ZNHIT6: variants seen among roughly 807,000 people sequenced by gnomAD.
ZNHIT6 encodes box C/D snoRNA protein 1.
Under a neutral mutation model 57.2 loss-of-function variants are expected in ZNHIT6, and 45 were observed. The observed-to-expected ratio is 0.79, with a 90% confidence interval of 0.62 to 1.01. ZNHIT6 has a LOEUF of 1.01. ZNHIT6 is among the 50% of genes least tolerant of loss of function. The pLI, the probability that ZNHIT6 is intolerant of heterozygous loss-of-function variation, is 0.00. For missense variants in ZNHIT6, 528 were observed against 567.3 expected (o/e 0.93, Z 0.70); for synonymous variants, 188 against 190.0 (o/e 0.99, Z 0.09).
At chr1:85,661,960 G>T (rs1661234598) in intron 8 of ZNHIT6, among the ~76,000 whole-genome samples, 1 of 151,988 alleles carries the variant, frequency 6.6e-6, no homozygotes. Context: ...CCCTGCTCTG[G>T]GCAGCCTCAT....
chr1:85,664,032 G>T (rs1661297447), intron 8 of ZNHIT6, among the ~76,000 whole-genome samples: 1 of 152,100 alleles, frequency 6.6e-6, no homozygotes, highest in Non-Finnish European at 1.5e-5. Context: ...GTATCTTAGG[G>T]ATGATCTTCT....
At chr1:85,703,078 A>G (rs1259965907) in intron 4 of ZNHIT6, among the ~76,000 whole-genome samples, 1 of 152,206 alleles carries the variant, frequency 6.6e-6, no homozygotes, top group Non-Finnish European at 1.5e-5. Flanking sequence ...AAGAAATTAC[A>G]TGTAATTTTA....
At chr1:85,697,475 C>T (rs1439202036) in intron 5 of ZNHIT6, among the ~76,000 whole-genome samples, 1 of 152,124 alleles carries the variant, frequency 6.6e-6, no homozygotes, top group African/African-American at 2.4e-5. Flanking sequence ...GCTGTTTCAA[C>T]TCTATTTATT....
intron 5 of ZNHIT6, among the ~76,000 whole-genome samples, chr1:85,696,467 C>G (rs150184013): frequency 6.6e-5 from 10 of 152,042 alleles, no homozygotes; most frequent in African/African-American, 2.4e-4. Flanking sequence ...TATGAAGGTG[C>G]CATCATTTAC....
chr1:85,654,332 G>C (rs1660999567), intron 9 of ZNHIT6, among the ~76,000 whole-genome samples: 1 of 152,164 alleles, frequency 6.6e-6, no homozygotes, highest in Admixed American at 6.6e-5. Context: ...CTGACTCTGT[G>C]GAAGACTTAG....
chr1:85,658,356 G>C (rs916154218), intron 8 of ZNHIT6, among the ~76,000 whole-genome samples: 6 of 152,154 alleles, frequency 3.9e-5, no homozygotes, highest in East Asian at 1.9e-4. Context: ...AGCCTCCCAA[G>C]TAGCTGGGAC....
In ZNHIT6 at chr1:85,706,375, G is replaced by A. The variant is rs771759996; in HGVS notation, c.723-20C>T. The A allele has an allele frequency of 6.2e-7, 1 of 1,613,592 alleles. No individual in the cohort carries two copies. The highest frequency in any genetic ancestry group is 1.7e-5 in the Admixed American group (1 of 59,928). ...GGCAAACTGAAAAGACAAAGGGGAA[G>A]TACTTTTATATTTTAGGGTAAGAAA... On this transcript the variant is annotated intron_variant, in intron 2 of 9. Coordinates refer to ENST00000370574, the MANE Select transcript of ZNHIT6 (RefSeq NM_017953.4).
intron 8 of ZNHIT6, among the ~76,000 whole-genome samples, chr1:85,667,961 A>AAATGTATATATATATAT: frequency 5.5e-5 from 1 of 18,200 alleles, no homozygotes; most frequent in African/African-American, 2.1e-4. Context: ...AAAAAAAAAA[A>AAATGTATATATATATAT]ATATATATAT....
chr1:85,690,334 T>C (rs1662181564), intron 5 of ZNHIT6, among the ~76,000 whole-genome samples: 1 of 152,164 alleles, frequency 6.6e-6, no homozygotes, highest in Admixed American at 6.5e-5. Flanking sequence ...ACCAAATTAC[T>C]TACATTGTGC....
Position 85,653,981 on chromosome 1 carries a change from A to G in ZNHIT6, c.*77T>C. 8.0e-7 allele frequency: 1 copy of G among 1,244,276 alleles called. No individual in the cohort carries two copies. Among genetic ancestry groups the G allele is most frequent in the Non-Finnish European group, 1.2e-6 (1 of 867,006 alleles). 77.1% of individuals were successfully genotyped at this position (1,244,276 alleles called of 1,614,324 possible). A position where few individuals can be genotyped will look rare whatever the true frequency, so the allele number is the denominator to read the frequency against. ...CCAATCACCCATTGACAATACCCCA[A>G]TCAGCCAACAGCCCATCAATGCAGA... On this transcript the variant is annotated 3_prime_UTR_variant, in exon 10 of 10. Coordinates refer to ENST00000370574, the MANE Select transcript of ZNHIT6 (RefSeq NM_017953.4).
chr1:85,702,359 C>T, intron 4 of ZNHIT6, 99 bp from the exon 5 acceptor site: 1 of 715,442 alleles, frequency 1.4e-6, no homozygotes, highest in South Asian at 1.9e-5. Context: ...TTACTGAGAA[C>T]CTAAGTGTTA....
At chr1:85,677,101 T>C (rs1661724173) in intron 8 of ZNHIT6, 135 bp downstream of exon 8, 2 of 595,516 alleles carry the variant, frequency 3.4e-6, no homozygotes, top group African/African-American at 1.9e-5. Flanking sequence ...TATTTTGAAT[T>C]TGACTTGAAA....
intron 8 of ZNHIT6, among the ~76,000 whole-genome samples, chr1:85,661,645 G>A (rs1283594910): frequency 6.6e-6 from 1 of 152,100 alleles, no homozygotes; most frequent in Non-Finnish European, 1.5e-5. Context: ...TACTTTGAAT[G>A]TTTCTGTTTC....
At chr1:85,672,155 C>A (rs1366617171) in intron 8 of ZNHIT6, among the ~76,000 whole-genome samples, 1 of 152,112 alleles carries the variant, frequency 6.6e-6, no homozygotes, top group Admixed American at 6.6e-5. Flanking sequence ...CTACATGAAA[C>A]TCAACATGCT....
intron 5 of ZNHIT6, among the ~76,000 whole-genome samples, chr1:85,684,903 A>G (rs1661982960): frequency 6.6e-6 from 1 of 152,242 alleles, no homozygotes; most frequent in Non-Finnish European, 1.5e-5. Flanking sequence ...ATCAAAAGTC[A>G]TTAGGTCCTT....
intron 7 of ZNHIT6, among the ~76,000 whole-genome samples, chr1:85,678,163 A>C (rs559933224): frequency 6.6e-6 from 1 of 152,318 alleles, no homozygotes; most frequent in East Asian, 1.9e-4. Flanking sequence ...TATGTTAACC[A>C]CTTTTGTCCA....
At chr1:85,696,986 G>A (rs868659815) in intron 5 of ZNHIT6, among the ~76,000 whole-genome samples, 24 of 149,850 alleles carry the variant, frequency 1.6e-4, no homozygotes, top group Non-Finnish European at 3.5e-4. Context: ...TCAGCCTCCC[G>A]AGTAGCTGGG....
rs1553155846 is a variant in ZNHIT6 at position 85,667,962 on chromosome 1, A to AAAAAAAAAAAAAAAAAATG, written c.1247+9273_1247+9274insCATTTTTTTTTTTTTTTTT. 3.2e-4 allele frequency among the ~76,000 whole-genome samples: 7 copies of AAAAAAAAAAAAAAAAAATG among 21,992 alleles called. 1 individual carries two copies. The highest frequency in any genetic ancestry group is 7.9e-4 in the African/African-American group (6 of 7,596). 14.4% of individuals were successfully genotyped at this position (21,992 alleles called of 152,430 possible). ...CTCTCTCTTTCAAAAAAAAAAAAAAATATATATATATATATATATATATGC... is the reference window on the plus strand; with the variant it reads ...CTCTCTCTTTCAAAAAAAAAAAAAAAAAAAAAAAAAAAAAAAATGTATATATATATATATATATATATGC... On this transcript the variant is annotated intron_variant, in intron 8 of 9. Coordinates refer to ENST00000370574, the MANE Select transcript of ZNHIT6 (RefSeq NM_017953.4).
In ZNHIT6 at chr1:85,651,029, T is replaced by C. The variant is rs1660890478; in HGVS notation, c.*3029A>G. ...AAATAAAAATAGACCAGCATCTTTA[T>C]GTAAAATTTAGTAACATGAAATAAG... On this transcript the variant is annotated 3_prime_UTR_variant, in exon 10 of 10. Transcript: ENST00000370574. 1 of 152,208 alleles carries C rather than the reference T, an allele frequency of 6.6e-6. No individual in the cohort carries two copies. Among genetic ancestry groups the C allele is most frequent in the Admixed American group, 6.5e-5 (1 of 15,284 alleles). 9.4% of individuals were successfully genotyped at this position (152,208 alleles called of 1,614,324 possible). A position where few individuals can be genotyped will look rare whatever the true frequency, so the allele number is the denominator to read the frequency against.
Sources: gnomAD v4.1 joint callset for allele counts (sites outside exome capture counted in the v4.1 genomes callset) on GRCh38, gnomAD v4.1.1 for gene constraint, MANE v1.5 for transcripts, NCBI Gene and HGNC (gene_info 2026-07-23, HGNC 2026-07-21) for gene names.